C12orf75: variants seen among roughly 807,000 people sequenced by gnomAD.
C12orf75 encodes the protein chromosome 12 open reading frame 75.
Under a neutral mutation model 11.4 loss-of-function variants are expected in C12orf75, and 4 were observed. The observed-to-expected ratio is 0.35, with a 90% CI of 0.17 to 0.80. The LOEUF (loss-of-function observed/expected upper bound fraction) is 0.80. Ranked by LOEUF, C12orf75 falls within the 30% of genes least tolerant of loss-of-function variation. The pLI is 0.52. For missense variants in C12orf75, 89 were observed against 80.4 expected, an observed-to-expected ratio of 1.11 and a Z score of -0.41; for synonymous variants, 30 against 30.0, an observed-to-expected ratio of 1.00 and a Z score of 0.00.
chr12:105,369,403 C>CT (rs1276045377), intron 5 of C12orf75, among the ~76,000 whole-genome samples: 3 of 152,110 alleles, frequency 2.0e-5, no homozygotes, highest in Non-Finnish European at 4.4e-5. Flanking sequence ...TTAACTCTTT[C>CT]TTTTTTTTCT....
rs867493752 is a variant in C12orf75 at position 105,348,607 on chromosome 12, G to A, written c.52G>A (p.Ala18Thr). The A allele has an allele frequency of 7.2e-6, 11 of 1,537,452 alleles. No individual in the cohort carries two copies. Among genetic ancestry groups the A allele is most frequent in the Non-Finnish European group, 9.7e-6 (11 of 1,139,008 alleles). ...TATCTTCTTTTTTTCTCTAGGCCCT[G>A]CAGGAGCAGCCAAAGATGTGTAAGT... ...ATSAGAGQGP[A>T]GAAKDVTEES... The change falls in exon 2 of 6, where the codon GCA (alanine) becomes ACA (threonine). Residue 18 changes from alanine to threonine, a missense_variant. By Grantham distance (58) the Ala-to-Thr change is moderately conservative. Transcript: ENST00000443585.
chr12:105,351,906 G>C (rs1892719445), intron 2 of C12orf75, among the ~76,000 whole-genome samples: 1 of 152,122 alleles, frequency 6.6e-6, no homozygotes, highest in Admixed American at 6.5e-5. Context: ...GGAATTAAAT[G>C]ATTATGTTTG....
chr12:105,359,844 C>G (rs554805560), intron 2 of C12orf75, among the ~76,000 whole-genome samples: 12 of 151,270 alleles, frequency 7.9e-5, no homozygotes, highest in African/African-American at 2.7e-4. Flanking sequence ...TGTCCATTTG[C>G]TCCTTTTCTA....
At chr12:105,334,681 G>A (rs1650086265) in intron 1 of C12orf75, among the ~76,000 whole-genome samples, 1 of 152,162 alleles carries the variant, frequency 6.6e-6, no homozygotes, top group South Asian at 2.1e-4. Context: ...ATAAGGCAGG[G>A]AGCTTTTGCA....
At position 105,330,805 on chromosome 12, in the gene C12orf75, C is replaced by G; in HGVS notation, c.-87C>G. 1 of 1,203,018 alleles carries G rather than the reference C, an allele frequency of 8.3e-7. No homozygotes were observed. The highest frequency in any genetic ancestry group is 1.0e-6 in the Non-Finnish European group (1 of 967,224). 74.5% of individuals were successfully genotyped at this position (1,203,018 alleles called of 1,614,324 possible). On this transcript the variant is annotated 5_prime_UTR_variant, in exon 1 of 6. Transcript: ENST00000443585. ...CTCGCGGCCCCGTCAGCCTCCCGCT[C>G]GGGGTGCGCCGCCCTTCGTCTGGGT...
chr12:105,357,827 A>AG (rs1892807147), intron 2 of C12orf75, among the ~76,000 whole-genome samples: 1 of 144,738 alleles, frequency 6.9e-6, no homozygotes, highest in African/African-American at 2.5e-5. Flanking sequence ...AGAGAGAGAG[A>AG]GAGGAGAGAG....
intron 1 of C12orf75, among the ~76,000 whole-genome samples, chr12:105,335,122 A>G (rs549259411): frequency 3.3e-5 from 5 of 152,366 alleles, no homozygotes; most frequent in East Asian, 3.9e-4. Flanking sequence ...GAATGTTTCC[A>G]TAATAGTTTT....
At chr12:105,345,770 T>C (rs931961713) in intron 1 of C12orf75, among the ~76,000 whole-genome samples, 13 of 143,352 alleles carry the variant, frequency 9.1e-5, no homozygotes, top group African/African-American at 3.3e-4. Flanking sequence ...CAAGCAATTC[T>C]GCCTCAGCCT....
At chr12:105,343,057 A>G (rs1223220692) in intron 1 of C12orf75, among the ~76,000 whole-genome samples, 2 of 152,228 alleles carry the variant, frequency 1.3e-5, no homozygotes, top group African/African-American at 2.4e-5. Context: ...TACAATTTTT[A>G]TTACTGAAAC....
chr12:105,336,321 A>G (rs1376417325), intron 1 of C12orf75, among the ~76,000 whole-genome samples: 3 of 152,348 alleles, frequency 2.0e-5, no homozygotes, highest in Admixed American at 1.3e-4. Flanking sequence ...TACAAATCCT[A>G]CATTTGCCAT....
chr12:105,369,255 C>A (rs370145500), intron 5 of C12orf75, among the ~76,000 whole-genome samples: 2 of 145,012 alleles, frequency 1.4e-5, no homozygotes, highest in East Asian at 3.9e-4. Context: ...CTGAAGTTTG[C>A]CACTAACACT....
chr12:105,340,984 A>AT (rs1892566308), intron 1 of C12orf75, among the ~76,000 whole-genome samples: 1 of 152,164 alleles, frequency 6.6e-6, no homozygotes, highest in Admixed American at 6.5e-5. Flanking sequence ...TGAGACCTTG[A>AT]TTTTGTACTT....
Position 105,336,896 on chromosome 12 carries a change from G to C in C12orf75, c.46+5959G>C, listed in dbSNP as rs1255242470. On this transcript the variant is annotated intron_variant, in intron 1 of 5. Transcript: ENST00000443585. ...CCCCTCTGCTCAGGTAGTAATCATTGGTGAGACAGAACCAAGAAGCTCTGT... is the reference window on the plus strand; with the variant it reads ...CCCCTCTGCTCAGGTAGTAATCATTCGTGAGACAGAACCAAGAAGCTCTGT... Among the ~76,000 whole-genome samples, 8 of 152,264 alleles carry C rather than the reference G, an allele frequency of 5.3e-5. No homozygotes were observed. In the East Asian group the frequency reaches 1.4e-3, roughly 26 times the overall value.
chr12:105,353,962 T>C (rs953837594), intron 2 of C12orf75, among the ~76,000 whole-genome samples: 7 of 152,240 alleles, frequency 4.6e-5, no homozygotes, highest in Admixed American at 6.5e-5. Context: ...GTTTTTGTTT[T>C]TGTGTTTGGA....
chr12:105,353,977 A>G (rs1892745273), intron 2 of C12orf75, among the ~76,000 whole-genome samples: 2 of 152,368 alleles, frequency 1.3e-5, no homozygotes, highest in African/African-American at 4.8e-5. Flanking sequence ...TTTGGAAAAA[A>G]GAAATGATAA....
chr12:105,331,809 C>T (rs1892431647), intron 1 of C12orf75, among the ~76,000 whole-genome samples: 1 of 152,134 alleles, frequency 6.6e-6, no homozygotes, highest in Admixed American at 6.5e-5. Context: ...TGACCTATTT[C>T]AGTGTCCTTT....
rs549337297 is a variant in C12orf75 at position 105,362,584 on chromosome 12, G to T, written c.72-3223G>T. Among the ~76,000 whole-genome samples the T allele has an allele frequency of 2.1e-4, 32 of 149,136 alleles. No homozygotes were observed. In the East Asian group the frequency reaches 6.2e-3, roughly 29 times the overall value. ...CAGGAGGCTGAGGCAGGAGAATGGC[G>T]TGAACCTGGGAGGCGGAGCTTGCAG... is the stretch of plus-strand genomic sequence containing the variant. On this transcript the variant is annotated intron_variant, in intron 2 of 5. Coordinates refer to ENST00000443585, the MANE Select transcript of C12orf75 (RefSeq NM_001145199.2).
chr12:105,345,211 AG>A (rs1276342937), intron 1 of C12orf75, among the ~76,000 whole-genome samples: 3 of 152,316 alleles, frequency 2.0e-5, no homozygotes, highest in Admixed American at 6.5e-5. Flanking sequence ...AAGTCAGGCC[AG>A]GTGTGGTGGC....
intron 1 of C12orf75, among the ~76,000 whole-genome samples, chr12:105,340,502 T>C (rs1892557927): frequency 6.6e-6 from 1 of 151,422 alleles, no homozygotes; most frequent in Non-Finnish European, 1.5e-5. Context: ...TCACGAGGAA[T>C]AAAGTTCCGT....
Sources: allele counts gnomAD v4.1 joint callset (sites outside exome capture counted in the v4.1 genomes callset), GRCh38; gene constraint gnomAD v4.1.1; transcripts MANE v1.5; gene names NCBI Gene and HGNC (gene_info 2026-07-23, HGNC 2026-07-21).